IPO7: variants seen among roughly 807,000 people sequenced by gnomAD.
IPO7 encodes the protein importin 7.
In IPO7, 13 loss-of-function variants were observed where a neutral mutation model predicts 136.4. The ratio of observed to expected loss-of-function variants is 0.10; its 90% CI spans 0.06 to 0.15. The LOEUF is 0.15. Ranked by LOEUF, IPO7 falls within the 10% of genes least tolerant of loss-of-function variation. The pLI, the probability that IPO7 is intolerant of heterozygous loss-of-function variation, is 1.00. For synonymous variants in IPO7, 403 were observed against 404.4 expected (o/e 1.00, Z 0.04); for missense variants, 857 against 1,240.6 (o/e 0.69, Z 4.65).
chr11:9,435,533 T>C (rs535410468), intron 19 of IPO7, among the ~76,000 whole-genome samples: 1 of 152,368 alleles, frequency 6.6e-6, no homozygotes, highest in South Asian at 2.1e-4. Context: ...GAAAATGATT[T>C]GCTCCATGAA....
intron 23 of IPO7, among the ~76,000 whole-genome samples, chr11:9,441,710 C>CAGT (rs1855461852): frequency 6.6e-6 from 1 of 152,210 alleles, no homozygotes; most frequent in Non-Finnish European, 1.5e-5. Flanking sequence ...CCATGTACCA[C>CAGT]AGTAGCCTTG....
chr11:9,441,054 A>G (rs1337887864), intron 23 of IPO7, among the ~76,000 whole-genome samples: 3 of 152,202 alleles, frequency 2.0e-5, no homozygotes. Flanking sequence ...ACGTGTTAAG[A>G]GTATATTAGC....
At position 9,420,420 on chromosome 11, in the gene IPO7, C is replaced by A; in HGVS notation, c.736C>A (p.Gln246Lys). The change falls in exon 7 of 25, where the codon CAA (glutamine) becomes AAA (lysine). Residue 246 changes from glutamine (Q) to lysine (K), a missense_variant. Physicochemically the swap from Gln to Lys is moderately conservative, Grantham distance 53 (BLOSUM62 1). Transcript: ENST00000379719. ...VNRDVPNETL[Q>K]VEEDDRPELP... ...AAGTGTCTTTTTAAAGGAAACACTT[C>A]AAGTTGAAGAAGATGATCGACCTGA... The A allele has an allele frequency of 6.2e-7, 1 of 1,605,798 alleles. No homozygotes were observed. The highest frequency in any genetic ancestry group is 1.3e-5 in the African/African-American group (1 of 74,782).
At chr11:9,401,091 G>T (rs1446963869) in intron 1 of IPO7, among the ~76,000 whole-genome samples, 1 of 151,944 alleles carries the variant, frequency 6.6e-6, no homozygotes, top group Non-Finnish European at 1.5e-5. Flanking sequence ...TGAGGCAGGA[G>T]AATTGCTTGA....
intron 20 of IPO7, among the ~76,000 whole-genome samples, chr11:9,436,872 T>A (rs868590774): frequency 0.021 from 302 of 14,256 alleles, no homozygotes; most frequent in South Asian, 0.042. Context: ...ATATATATTT[T>A]TTTTTTTTTT....
At chr11:9,427,332 C>G (rs888330881) in intron 12 of IPO7, among the ~76,000 whole-genome samples, 1 of 152,094 alleles carries the variant, frequency 6.6e-6, no homozygotes, top group African/African-American at 2.4e-5. Flanking sequence ...GTGATCTCTG[C>G]TTACTACAAC....
chr11:9,419,757 A>T (rs1407092575), intron 6 of IPO7, among the ~76,000 whole-genome samples: 3 of 151,672 alleles, frequency 2.0e-5, no homozygotes, highest in Non-Finnish European at 4.4e-5. Flanking sequence ...CTCATACACA[A>T]ATCGTTGCGC....
chr11:9,428,778 A>G (rs747444050), intron 13 of IPO7, 149 bp downstream of exon 13: 9 of 785,314 alleles, frequency 1.1e-5, no homozygotes, highest in Middle Eastern at 2.2e-4. Flanking sequence ...TGGCTGCTGT[A>G]ATGTGTGCAT....
At chr11:9,407,192 G>A (rs1351212647) in intron 2 of IPO7, among the ~76,000 whole-genome samples, 10 of 152,156 alleles carry the variant, frequency 6.6e-5, no homozygotes, top group African/African-American at 1.9e-4. Flanking sequence ...ATTCTGTTTT[G>A]GAGAAAAAGA....
intron 21 of IPO7, 32 bp from the exon 22 acceptor site, chr11:9,438,044 AGTTT>A: frequency 4.8e-6 from 5 of 1,035,516 alleles, no homozygotes; most frequent in Non-Finnish European, 6.6e-6. Context: ...AAAAGAAAAC[AGTTT>A]TTTTTTTTTT....
chr11:9,394,951 T>G (rs1056307889), intron 1 of IPO7, among the ~76,000 whole-genome samples: 1 of 152,188 alleles, frequency 6.6e-6, no homozygotes, highest in African/African-American at 2.4e-5. Flanking sequence ...AACTAGAGTA[T>G]TAGGAGTTTT....
intron 22 of IPO7, among the ~76,000 whole-genome samples, chr11:9,439,871 C>T (rs1441435571): frequency 6.6e-6 from 1 of 152,152 alleles, no homozygotes; most frequent in Non-Finnish European, 1.5e-5. Context: ...CCGCGCCCGG[C>T]GAATTATGGG....
intron 13 of IPO7, 181 bp downstream of exon 13, chr11:9,428,810 G>A (rs752621511): frequency 6.4e-6 from 5 of 782,190 alleles, no homozygotes; most frequent in Non-Finnish European, 1.2e-5. Context: ...GTGTCTGGTA[G>A]CAGTGTCTGT....
chr11:9,420,322 G>A, intron 6 of IPO7, 89 bp from the exon 7 acceptor site: 1 of 797,274 alleles, frequency 1.3e-6, no homozygotes, highest in South Asian at 1.7e-5. Context: ...CATTAGTGAA[G>A]CATTCACATT....
chr11:9,423,981 T>C, intron 10 of IPO7, 105 bp downstream of exon 10: 1 of 626,666 alleles, frequency 1.6e-6, no homozygotes, highest in Non-Finnish European at 2.8e-6. Flanking sequence ...TTTGTTGTTT[T>C]AATGTAATTG....
intron 9 of IPO7, among the ~76,000 whole-genome samples, chr11:9,423,345 A>G (rs1855160388): frequency 1.3e-5 from 2 of 152,188 alleles, no homozygotes; most frequent in Non-Finnish European, 2.9e-5. Flanking sequence ...CTTATCTTTT[A>G]ATCCAAAACT....
intron 12 of IPO7, among the ~76,000 whole-genome samples, chr11:9,427,689 A>G (rs78829704): frequency 0.039 from 5,863 of 152,284 alleles, 359 homozygotes; most frequent in African/African-American, 0.13. Flanking sequence ...ATTCAAGTTT[A>G]TCTATTCTTA....
At chr11:9,393,414 C>G (rs1456301366) in intron 1 of IPO7, among the ~76,000 whole-genome samples, 1 of 152,266 alleles carries the variant, frequency 6.6e-6, no homozygotes, top group African/African-American at 2.4e-5. Flanking sequence ...CGGAGTCTCA[C>G]TGTTGCCCAG....
At chr11:9,444,965 G>A (rs1447917793) in intron 24 of IPO7, 132 bp from the exon 25 acceptor site, 3 of 639,976 alleles carry the variant, frequency 4.7e-6, no homozygotes, top group East Asian at 2.7e-5. Context: ...TTATACATTG[G>A]AGAAATCATG....
Sources: allele counts gnomAD v4.1 joint callset (sites outside exome capture counted in the v4.1 genomes callset), GRCh38; gene constraint gnomAD v4.1.1; transcripts MANE v1.5; gene names NCBI Gene and HGNC (gene_info 2026-07-23, HGNC 2026-07-21).